FGF14: variants seen among roughly 807,000 people sequenced by gnomAD.
FGF14 encodes fibroblast growth factor 14.
FGF14 carries 5 observed loss-of-function variants against 25.5 expected under a neutral mutation model. The ratio of observed to expected loss-of-function variants is 0.20; its 90% CI spans 0.10 to 0.41. The LOEUF is 0.41. FGF14 is among the 10% of genes least tolerant of loss of function. FGF14 has a pLI of 1.00. For synonymous variants in FGF14, 138 were observed against 118.3 expected (o/e 1.17, Z -1.08); for missense variants, 222 against 320.1 (o/e 0.69, Z 2.34).
At chr13:102,190,827 T>C (rs1456392868) in intron 1 of FGF14, among the ~76,000 whole-genome samples, 1 of 152,118 alleles carries the variant, frequency 6.6e-6, no homozygotes, top group Non-Finnish European at 1.5e-5. Flanking sequence ...AATTCAAAGA[T>C]TCTTTATTAA....
intron 1 of FGF14, among the ~76,000 whole-genome samples, chr13:102,363,386 G>A (rs951026989): frequency 1.3e-5 from 2 of 152,162 alleles, no homozygotes; most frequent in Non-Finnish European, 2.9e-5. Context: ...TCTGAGAGAG[G>A]TTGAGCAAGT....
intron 1 of FGF14, among the ~76,000 whole-genome samples, chr13:102,218,585 TC>T (rs1251814329): frequency 3.3e-5 from 5 of 151,654 alleles, no homozygotes; most frequent in Non-Finnish European, 7.4e-5. Context: ...ATGATGGGGT[TC>T]CCATCATTGA....
At chr13:102,117,844 A>C (rs1269896994) in intron 1 of FGF14, among the ~76,000 whole-genome samples, 1 of 152,236 alleles carries the variant, frequency 6.6e-6, no homozygotes, top group African/African-American at 2.4e-5. Context: ...TTTCAAAAAG[A>C]AACAGTGGCA....
At position 101,719,567 on chromosome 13, in the gene FGF14, A is replaced by ATCT. The variant is rs1440384520; in HGVS notation, c.*3261_*3263dup. 1.3e-5 allele frequency: 2 copies of ATCT among 152,098 alleles called. No individual in the cohort carries two copies. The highest frequency in any genetic ancestry group is 4.8e-5 in the African/African-American group (2 of 41,408). 9.4% of individuals were successfully genotyped at this position (152,098 alleles called of 1,614,324 possible). A position where few individuals can be genotyped will look rare whatever the true frequency, so the allele number is the denominator to read the frequency against. ...TGGTAGCAAAATGTTTTAAAAAGCA[A>ATCT]TCTTATATTAGAAAACAAAAATGTT... On this transcript the variant is annotated 3_prime_UTR_variant, in exon 5 of 5. Transcript: ENST00000376143.
intron 1 of FGF14, among the ~76,000 whole-genome samples, chr13:101,946,564 G>A (rs566288184): frequency 6.6e-6 from 1 of 152,224 alleles, no homozygotes; most frequent in African/African-American, 2.4e-5. Flanking sequence ...CACCCTTCTG[G>A]TCTGTCCATT....
intron 1 of FGF14, among the ~76,000 whole-genome samples, chr13:102,144,226 T>C (rs1369513974): frequency 6.6e-6 from 1 of 152,092 alleles, no homozygotes; most frequent in Non-Finnish European, 1.5e-5. Context: ...CCGCCATGCA[T>C]AGTAAGATTA....
chr13:102,102,166 C>A (rs1043558914), intron 1 of FGF14, among the ~76,000 whole-genome samples: 6 of 152,202 alleles, frequency 3.9e-5, no homozygotes, highest in Non-Finnish European at 8.8e-5. Flanking sequence ...ATGTATCAGG[C>A]ATTTTCCAAG....
chr13:101,988,387 T>C (rs547182662), intron 1 of FGF14, among the ~76,000 whole-genome samples: 103 of 151,942 alleles, frequency 6.8e-4, no homozygotes, highest in Non-Finnish European at 1.3e-3. Context: ...TATGTTCCGA[T>C]CTATTCAACC....
intron 1 of FGF14, among the ~76,000 whole-genome samples, chr13:101,991,699 C>T (rs1291904428): frequency 6.6e-6 from 1 of 152,026 alleles, no homozygotes; most frequent in African/African-American, 2.4e-5. Context: ...CCAGGTCCTA[C>T]AGATGAAGCC....
chr13:101,768,366 C>T (rs1020519002), intron 3 of FGF14, among the ~76,000 whole-genome samples: 24 of 152,098 alleles, frequency 1.6e-4, no homozygotes, highest in Middle Eastern at 3.2e-3. Flanking sequence ...GGTAGGAAGA[C>T]TCAATATTGT....
At chr13:102,394,484 G>A (rs973294725) in intron 1 of FGF14, 1 of 152,522 alleles carries the variant, frequency 6.6e-6, no homozygotes, top group Non-Finnish European at 1.5e-5. Context: ...TCTCTCCCGC[G>A]CGGCGGCTTC....
Position 102,400,780 on chromosome 13 carries a change from G to A in FGF14, c.208+691C>T, listed in dbSNP as rs918196852. ...GGCTTTGACACCGCTTTCTAAAGGG[G>A]GGGACTTCAATTACAAATATTAGAG... On this transcript the variant is annotated intron_variant, in intron 1 of 4. Coordinates refer to the FGF14 transcript ENST00000376131. The surrounding 1 kb of genome is among the most constrained non-coding windows in gnomAD (Gnocchi z 4.3). Among the ~76,000 whole-genome samples the A allele has an allele frequency of 1.3e-5, 2 of 152,102 alleles. No homozygotes were observed. Among genetic ancestry groups the A allele is most frequent in the Non-Finnish European group, 2.9e-5 (2 of 68,026 alleles).
chr13:101,804,381 G>T (rs1377974773), intron 3 of FGF14, among the ~76,000 whole-genome samples: 1 of 150,482 alleles, frequency 6.6e-6, no homozygotes. Context: ...CTGGAAATTT[G>T]TTGGTGTGTA....
At chr13:102,279,218 G>C (rs932568358) in intron 1 of FGF14, among the ~76,000 whole-genome samples, 6 of 151,656 alleles carry the variant, frequency 4.0e-5, no homozygotes, top group Non-Finnish European at 7.4e-5. Context: ...ATAGATGATA[G>C]ATTTAATAAG....
At chr13:102,187,030 A>G (rs9518649) in intron 1 of FGF14, among the ~76,000 whole-genome samples, 10,293 of 152,278 alleles carry the variant, frequency 0.068, 672 homozygotes, top group Admixed American at 0.19. Context: ...TGGAGCACAA[A>G]TAGGCACATG....
At chr13:102,134,384 AC>A (rs775918220) in intron 1 of FGF14, among the ~76,000 whole-genome samples, 17 of 152,190 alleles carry the variant, frequency 1.1e-4, no homozygotes, top group Non-Finnish European at 2.1e-4. Flanking sequence ...TTTTCTGCCC[AC>A]CTTGAGATAA....
intron 1 of FGF14, among the ~76,000 whole-genome samples, chr13:101,965,891 GAA>G (rs1457795990): frequency 1.3e-5 from 2 of 152,132 alleles, no homozygotes; most frequent in African/African-American, 2.4e-5. Flanking sequence ...GGGCACAACT[GAA>G]AAGTGTCACT....
At chr13:102,305,781 G>T (rs1309591478) in intron 1 of FGF14, among the ~76,000 whole-genome samples, 1 of 152,120 alleles carries the variant, frequency 6.6e-6, no homozygotes, top group Non-Finnish European at 1.5e-5. Flanking sequence ...TTCAGATATT[G>T]AAGTAAACAG....
At chr13:101,725,145 C>A (rs865866691) in intron 4 of FGF14, among the ~76,000 whole-genome samples, 1 of 151,934 alleles carries the variant, frequency 6.6e-6, no homozygotes, top group African/African-American at 2.4e-5. Flanking sequence ...AGATAAAGCA[C>A]GGTGGCAAAT....
Sources: allele counts gnomAD v4.1 joint callset (sites outside exome capture counted in the v4.1 genomes callset), GRCh38; gene constraint gnomAD v4.1.1; non-coding constraint Gnocchi (gnomAD v3.1); transcripts MANE v1.5; gene names NCBI Gene and HGNC (gene_info 2026-07-23, HGNC 2026-07-21).